CD163: variants seen among roughly 807,000 people sequenced by gnomAD.
CD163 encodes scavenger receptor cysteine-rich type 1 protein M130.
A neutral mutation model predicts 129.2 loss-of-function variants in CD163; 64 were observed. The ratio of observed to expected loss-of-function variants is 0.50; its 90% CI spans 0.41 to 0.61. The LOEUF (loss-of-function observed/expected upper bound fraction) is 0.61, where lower values mean the gene tolerates loss of function less well. Ranked by LOEUF, CD163 falls within the 20% of genes least tolerant of loss-of-function variation. CD163 has a pLI of 0.00. For synonymous variants in CD163, 446 were observed against 478.5 expected (o/e 0.93, Z 0.89); for missense variants, 1,061 against 1,377.9 (o/e 0.77, Z 3.64).
In CD163 at chr12:7,496,411, T is replaced by C. The variant is rs925917501; in HGVS notation, c.1099+402A>G. 1.6e-4 allele frequency among the ~76,000 whole-genome samples: 24 copies of C among 152,214 alleles called. No individual in the cohort carries two copies. The highest frequency in any genetic ancestry group is 5.5e-4 in the African/African-American group (23 of 41,524). On this transcript the variant is annotated intron_variant, in intron 5 of 16. Transcript: ENST00000432237. This position sits in a 1 kb window ranked among gnomAD's most constrained non-coding sequence, Gnocchi z 4.8. ...AAAACCTAGATGACAGGTTGATACGTGAAGCAGACCACCATGGAACATGTT... is the reference window on the plus strand; with the variant it reads ...AAAACCTAGATGACAGGTTGATACGCGAAGCAGACCACCATGGAACATGTT...
intron 10 of CD163, 56 bp downstream of exon 10, chr12:7,486,443 C>G (rs1268820493): frequency 1.3e-6 from 2 of 1,492,230 alleles, no homozygotes; most frequent in Non-Finnish European, 1.8e-6. Flanking sequence ...CCCTCACTAC[C>G]CTTCCTCAGT....
At chr12:7,483,825 G>GTGTATA (rs1555076524) in intron 11 of CD163, 150 bp from the exon 12 acceptor site, 19 of 68,410 alleles carry the variant, frequency 2.8e-4, no homozygotes, top group Middle Eastern at 0.01. Context: ...ATATATATAT[G>GTGTATA]TATATATATA....
chr12:7,482,758 G>C lies in CD163; in HGVS notation c.3132C>G (p.Arg1044=). ...CAATAAAGGATGACTGACGGGATGAGCGACCTAAGTAAAAGTAAATATCAA... is the reference window on the plus strand; with the variant it reads ...CAATAAAGGATGACTGACGGGATGACCGACCTAAGTAAAAGTAAATATCAA... ...QKTPQKATTG[R]SSRQSSFIAV... The change falls in exon 14 of 17, where the codon CGC becomes CGG. Residue 1044 remains arginine, a synonymous_variant. Coordinates refer to ENST00000432237, the MANE Select transcript of CD163 (RefSeq NM_203416.4). 1 of 1,613,954 alleles carries C rather than the reference G, an allele frequency of 6.2e-7. No individual in the cohort carries two copies. The highest frequency in any genetic ancestry group is 8.5e-7 in the Non-Finnish European group (1 of 1,179,944).
chr12:7,501,485 T>C, intron 2 of CD163, 23 bp from the exon 3 acceptor site: 1 of 1,586,626 alleles, frequency 6.3e-7, no homozygotes, highest in Non-Finnish European at 8.7e-7. Flanking sequence ...ATTAAGACAG[T>C]AATTGGCCAA....
At position 7,487,738 on chromosome 12, in the gene CD163, A is replaced by T; in HGVS notation, c.1735+35T>A. The T allele has an allele frequency of 6.2e-7, 1 of 1,614,024 alleles. No homozygotes were observed. The highest frequency in any genetic ancestry group is 8.5e-7 in the Non-Finnish European group (1 of 1,180,006). ...TCCCTAACCCTGTCCCTTTCACAGT[A>T]TGAGAACCAATTAAAGATGTTTTCT... is the stretch of plus-strand genomic sequence containing the variant. On this transcript the variant is annotated intron_variant, in intron 7 of 16. Transcript: ENST00000432237. The surrounding 1 kb of genome is among the most constrained non-coding windows in gnomAD (Gnocchi z 5.1).
chr12:7,485,546 C>T lies in CD163; in HGVS notation c.2459-130G>A. On this transcript the variant is annotated intron_variant, in intron 10 of 16. Coordinates refer to ENST00000432237, the MANE Select transcript of CD163 (RefSeq NM_203416.4). The surrounding 1 kb of genome is among the most constrained non-coding windows in gnomAD (Gnocchi z 4.5). The stretch of plus-strand genomic sequence containing the variant: ...TACAATATGTCAGTTACTAATAATT[C>T]GTTAGTAACTTCTGGATGATTTCAT... 2.0e-6 allele frequency: 1 copy of T among 501,744 alleles called. No homozygotes were observed. The highest frequency in any genetic ancestry group is 3.4e-6 in the Non-Finnish European group (1 of 292,018). The allele number at this position is 501,744 out of a possible 1,614,324, so 31.1% of individuals were successfully genotyped here. A position where few individuals can be genotyped will look rare whatever the true frequency, so the allele number is the denominator to read the frequency against.
chr12:7,475,789 C>A (rs1781004846), intron 16 of CD163, among the ~76,000 whole-genome samples: 1 of 151,786 alleles, frequency 6.6e-6, no homozygotes, highest in Non-Finnish European at 1.5e-5. Context: ...GGAATAGGAA[C>A]TCAAATTATC....
chr12:7,483,833 ATATATATAT>A (rs1949201378), intron 11 of CD163, 158 bp from the exon 12 acceptor site: 2 of 44,384 alleles, frequency 4.5e-5, no homozygotes, highest in Non-Finnish European at 1.4e-4. Flanking sequence ...ATGTATATAT[ATATATATAT>A]TTTTTTTTTT....
intron 16 of CD163, among the ~76,000 whole-genome samples, chr12:7,477,933 C>T (rs1317194183): frequency 6.6e-6 from 1 of 152,090 alleles, no homozygotes. Context: ...GTTTACAACA[C>T]TAGAATTTTT....
In CD163 at chr12:7,486,794, C is replaced by T. The variant is rs185443442; in HGVS notation, c.2163G>A (p.Leu721=). ...VACIESGQLR[L]VNGGGRCAGR... ...CAGCACAGCGACCTCCTCCATTTAC[C>T]AGGCGAAGTTGACCACTCTCTGCAA... The change falls in exon 10 of 17, where the codon CTG becomes CTA. Residue 721 remains leucine (L), a synonymous_variant. Transcript: ENST00000432237. 1.3e-4 allele frequency: 213 copies of T among 1,610,024 alleles called. No individual in the cohort carries two copies. Among genetic ancestry groups the T allele is most frequent in the Non-Finnish European group, 1.7e-4 (202 of 1,177,024 alleles).
chr12:7,480,218 C>A, intron 15 of CD163: 2 of 393,608 alleles, frequency 5.1e-6, no homozygotes, highest in Non-Finnish European at 9.0e-6. Context: ...ATGCATAATT[C>A]TTTGGATGGA....
chr12:7,493,651 C>A (rs1949355920), intron 6 of CD163, among the ~76,000 whole-genome samples: 2 of 151,848 alleles, frequency 1.3e-5, no homozygotes, highest in Non-Finnish European at 2.9e-5. Context: ...GAAGGAAAAT[C>A]TATAACCTAA....
At chr12:7,490,432 T>C (rs1436735098) in intron 6 of CD163, among the ~76,000 whole-genome samples, 1 of 152,036 alleles carries the variant, frequency 6.6e-6, no homozygotes, top group Non-Finnish European at 1.5e-5. Context: ...GTGAGTTTCT[T>C]TGAAAATACT....
At position 7,496,705 on chromosome 12, in the gene CD163, C is replaced by T. The variant is rs1485865918; in HGVS notation, c.1099+108G>A. The T allele has an allele frequency of 3.6e-6, 3 of 843,480 alleles. No homozygotes were observed. The highest frequency in any genetic ancestry group is 5.8e-6 in the Non-Finnish European group (3 of 520,612). 52.2% of individuals were successfully genotyped at this position (843,480 alleles called of 1,614,324 possible). Reference sequence around the variant, plus strand: ...AATTCCCAGCAAGGAATTTACTAGGCATTTCTACTTCTTAAGGAGCACGTT... The same window carrying T: ...AATTCCCAGCAAGGAATTTACTAGGTATTTCTACTTCTTAAGGAGCACGTT... On this transcript the variant is annotated intron_variant, in intron 5 of 16. Transcript: ENST00000432237. This position sits in a 1 kb window ranked among gnomAD's most constrained non-coding sequence, Gnocchi z 4.8.
rs373919753 is a variant in CD163 at position 7,501,128 on chromosome 12, G to C, written c.457+11C>G. On this transcript the variant is annotated intron_variant, in intron 3 of 16. Coordinates refer to ENST00000432237, the MANE Select transcript of CD163 (RefSeq NM_203416.4). ...ATTTTGTGTTGAGGCTTTGACTAAT[G>C]CAAGTCTTACCTGAGCAGGTCACTC... 3 of 1,610,556 alleles carry C rather than the reference G, an allele frequency of 1.9e-6. No homozygotes were observed. The highest frequency in any genetic ancestry group is 2.5e-6 in the Non-Finnish European group (3 of 1,177,296).
At chr12:7,481,302 A>G in intron 14 of CD163, 46 bp from the exon 15 acceptor site, 3 of 1,482,074 alleles carry the variant, frequency 2.0e-6, no homozygotes, top group Non-Finnish European at 2.8e-6. Context: ...TCATAATAAA[A>G]TTTCCCTTGC....
Position 7,482,794 on chromosome 12 carries a change from C to T in CD163, c.3128-32G>A, listed in dbSNP as rs374938770. ...AAAAGTAAATATCAAGAGATATGAT[C>T]ATGTCTTATCGAAAAGATCAAGGTC... On this transcript the variant is annotated intron_variant, in intron 13 of 16. Transcript: ENST00000432237. 41 of 1,611,122 alleles carry T rather than the reference C, an allele frequency of 2.5e-5. No homozygotes were observed. In the Middle Eastern group the frequency reaches 1.3e-3, roughly 52 times the overall value.
chr12:7,480,019 T>C (rs762919586), intron 15 of CD163, 106 bp from the exon 16 acceptor site: 4 of 1,601,070 alleles, frequency 2.5e-6, no homozygotes, highest in East Asian at 2.3e-5. Context: ...AAATAATTAC[T>C]GGGAAATAAA....
At chr12:7,502,154 T>C (rs185765108) in intron 2 of CD163, among the ~76,000 whole-genome samples, 1 of 152,342 alleles carries the variant, frequency 6.6e-6, no homozygotes, top group Non-Finnish European at 1.5e-5. Flanking sequence ...AATTTACTAA[T>C]GTGTTTCCCA....
Sources: gnomAD v4.1 joint callset for allele counts (sites outside exome capture counted in the v4.1 genomes callset) on GRCh38, gnomAD v4.1.1 for gene constraint, Gnocchi (gnomAD v3.1) non-coding constraint, MANE v1.5 for transcripts, NCBI Gene and HGNC (gene_info 2026-07-23, HGNC 2026-07-21) for gene names.